The following HTR7 variants were observed in gnomAD, a reference collection of about 807,000 sequenced individuals.
HTR7 encodes 5-HT-7.
A neutral mutation model predicts 34.0 loss-of-function variants in HTR7; 16 were observed. The observed-to-expected ratio is 0.47, with a 90% confidence interval of 0.32 to 0.71. The LOEUF is 0.71. HTR7 is among the 30% of genes least tolerant of loss of function. HTR7 has a pLI of 0.04. For missense variants in HTR7, 504 were observed against 625.5 expected, an observed-to-expected ratio of 0.81 and a Z score of 2.07; for synonymous variants, 265 against 260.2, an observed-to-expected ratio of 1.02 and a Z score of -0.18.
intron 1 of HTR7, among the ~76,000 whole-genome samples, chr10:90,835,644 G>T (rs1262566006): frequency 6.6e-6 from 1 of 152,130 alleles, no homozygotes. Flanking sequence ...AATAGGAGCT[G>T]GAAGAAAACA....
chr10:90,857,172 G>A lies in HTR7; in HGVS notation c.500C>T (p.Thr167Met). ...CACGCACAGGGTCATGATCGAGGCC[G>A]TGCAGCACATGACGTCCATGGCGAT... is the stretch of plus-strand genomic sequence containing the variant. ...VFIAMDVMCC[T>M]ASIMTLCVIS... Residue 167 changes from threonine (T) to methionine (M), a missense_variant, in exon 1 of 4, where the codon ACG becomes ATG. Around this residue, in one of 4 missense-constraint regions of HTR7, gnomAD observed 154 missense variants for 248.8 expected, o/e 0.62. Coordinates refer to ENST00000336152, the MANE Select transcript of HTR7 (RefSeq NM_019859.4). The surrounding 1 kb of genome is among the most constrained non-coding windows in gnomAD (Gnocchi z 6.5). 1 of 1,612,270 alleles carries A rather than the reference G, an allele frequency of 6.2e-7. No individual in the cohort carries two copies. The highest frequency in any genetic ancestry group is 8.5e-7 in the Non-Finnish European group (1 of 1,179,002).
intron 1 of HTR7, among the ~76,000 whole-genome samples, chr10:90,806,304 G>T (rs778359480): frequency 6.6e-6 from 1 of 152,172 alleles, no homozygotes; most frequent in African/African-American, 2.4e-5. Context: ...GCTGTATTAA[G>T]TTCCTAAAGG....
At chr10:90,817,671 TG>T (rs1341589841) in intron 1 of HTR7, among the ~76,000 whole-genome samples, 1 of 152,236 alleles carries the variant, frequency 6.6e-6, no homozygotes, top group Non-Finnish European at 1.5e-5. Flanking sequence ...AAGATTTTCC[TG>T]GGCAAGCCCT....
At chr10:90,833,389 G>C (rs1047931237) in intron 1 of HTR7, among the ~76,000 whole-genome samples, 6 of 152,196 alleles carry the variant, frequency 3.9e-5, no homozygotes, top group African/African-American at 1.4e-4. Context: ...TCTGAAAGCA[G>C]ACCCATGCTG....
intron 1 of HTR7, among the ~76,000 whole-genome samples, chr10:90,755,668 C>G (rs1844824154): frequency 6.6e-6 from 1 of 152,134 alleles, no homozygotes; most frequent in Admixed American, 6.5e-5. Flanking sequence ...TGAAATGTCA[C>G]TAACAGCCAT....
rs145712361 is a variant in HTR7, at chr10:90,796,758, C to T, written c.540-47164G>A. Reference sequence around the variant, plus strand: ...AAGGCTAGGCTCACGGCTGTAATCCCATCAGTATGGGAGGCCGAGGCAGGC... The same window carrying T: ...AAGGCTAGGCTCACGGCTGTAATCCTATCAGTATGGGAGGCCGAGGCAGGC... On this transcript the variant is annotated intron_variant, in intron 1 of 3. Coordinates refer to ENST00000336152, the MANE Select transcript of HTR7 (RefSeq NM_019859.4). 5.7e-4 allele frequency among the ~76,000 whole-genome samples: 87 copies of T among 152,286 alleles called. 1 individual carries two copies. The highest frequency in any genetic ancestry group is 2.0e-3 in the African/African-American group (82 of 41,554).
intron 1 of HTR7, among the ~76,000 whole-genome samples, chr10:90,774,974 G>A (rs111473687): frequency 0.027 from 4,107 of 152,244 alleles, 151 homozygotes; most frequent in African/African-American, 0.083. Flanking sequence ...AAACATGACT[G>A]CGTGCAGCAG....
At chr10:90,812,950 AAAG>A (rs1354901097) in intron 1 of HTR7, among the ~76,000 whole-genome samples, 2 of 152,116 alleles carry the variant, frequency 1.3e-5, no homozygotes, top group African/African-American at 4.8e-5. Context: ...TTCCACCACA[AAAG>A]AAGTGAAAAT....
At chr10:90,813,630 C>A (rs1845854124) in intron 1 of HTR7, among the ~76,000 whole-genome samples, 1 of 152,120 alleles carries the variant, frequency 6.6e-6, no homozygotes, top group Non-Finnish European at 1.5e-5. Context: ...TAACAAAGAG[C>A]AACCTGTAAA....
At chr10:90,789,665 T>C (rs138068266) in intron 1 of HTR7, among the ~76,000 whole-genome samples, 1 of 152,272 alleles carries the variant, frequency 6.6e-6, no homozygotes, top group Non-Finnish European at 1.5e-5. Context: ...CGTGATTGCA[T>C]AAAATCAGCC....
chr10:90,810,142 G>A (rs894380735), intron 1 of HTR7, among the ~76,000 whole-genome samples: 4 of 152,046 alleles, frequency 2.6e-5, no homozygotes, highest in Non-Finnish European at 5.9e-5. Flanking sequence ...ACTCTTTTAA[G>A]CACTCCTTTT....
rs1408741327 is a variant in HTR7 at position 90,748,835 on chromosome 10, T to G, written c.1295+4A>C. On this transcript the variant is annotated splice_donor_region_variant and intron_variant, in intron 2 of 3. Transcript: ENST00000336152. ...AAAAGGAAAATAGTGATAAATGACC[T>G]TACAGCACAAACTCAGGTCTCTCTG... 1.9e-6 allele frequency: 3 copies of G among 1,608,348 alleles called. No individual in the cohort carries two copies. In the East Asian group the frequency reaches 6.7e-5, roughly 36 times the overall value.
intron 1 of HTR7, among the ~76,000 whole-genome samples, chr10:90,788,354 G>C (rs115534260): frequency 0.015 from 2,327 of 152,194 alleles, 74 homozygotes; most frequent in African/African-American, 0.052. Flanking sequence ...CACTTTAAAC[G>C]GAGCTCTTCT....
chr10:90,748,107 G>A (rs572379804), intron 2 of HTR7, among the ~76,000 whole-genome samples: 41 of 152,262 alleles, frequency 2.7e-4, no homozygotes, highest in East Asian at 2.3e-3. Context: ...CTGCCAAGAT[G>A]GGCAGGAACA....
At chr10:90,751,733 A>C (rs1236184230) in intron 1 of HTR7, among the ~76,000 whole-genome samples, 1 of 152,204 alleles carries the variant, frequency 6.6e-6, no homozygotes, top group African/African-American at 2.4e-5. Context: ...GCATTTAAAA[A>C]ATTAGCATGC....
intron 1 of HTR7, among the ~76,000 whole-genome samples, chr10:90,828,097 T>C (rs1846108611): frequency 6.6e-6 from 1 of 152,066 alleles, no homozygotes; most frequent in Non-Finnish European, 1.5e-5. Flanking sequence ...AATTAAATAA[T>C]ACACTCCTGA....
At chr10:90,820,566 A>G (rs1036989126) in intron 1 of HTR7, among the ~76,000 whole-genome samples, 1 of 152,212 alleles carries the variant, frequency 6.6e-6, no homozygotes, top group African/African-American at 2.4e-5. Context: ...TTATACATAC[A>G]GGAAGAAGAT....
intron 1 of HTR7, among the ~76,000 whole-genome samples, chr10:90,815,616 C>T (rs1017733296): frequency 1.3e-5 from 2 of 152,136 alleles, no homozygotes; most frequent in Admixed American, 1.3e-4. Context: ...AGCTAATGAA[C>T]ACTGGGCTTG....
At chr10:90,853,380 G>A (rs187984922) in intron 1 of HTR7, among the ~76,000 whole-genome samples, 16 of 149,876 alleles carry the variant, frequency 1.1e-4, no homozygotes, top group African/African-American at 3.7e-4. Context: ...CAACCTCCTG[G>A]GCCAAAGTGA....
Sources: allele counts gnomAD v4.1 joint callset (sites outside exome capture counted in the v4.1 genomes callset), GRCh38; gene constraint gnomAD v4.1.1; regional missense constraint gnomAD v4.1.1; non-coding constraint Gnocchi (gnomAD v3.1); transcripts MANE v1.5; gene names NCBI Gene and HGNC (gene_info 2026-07-23, HGNC 2026-07-21).